The following KLC3 variants were observed in gnomAD, a reference collection of about 807,000 sequenced individuals.
KLC3 encodes kinesin light chain 2.
In KLC3, 72 loss-of-function variants were observed where a neutral mutation model predicts 62.9. That is an observed-to-expected ratio of 1.15 (90% CI 0.95 to 1.39). The LOEUF (loss-of-function observed/expected upper bound fraction) is 1.39, where lower values mean the gene tolerates loss of function less well. Among genes scored for constraint, KLC3 ranks in the 40% most tolerant of loss-of-function variants. KLC3 has a pLI of 0.00. For missense variants in KLC3, 848 were observed against 691.6 expected (o/e 1.23, Z -2.54); for synonymous variants, 377 against 300.5 (o/e 1.25, Z -2.63).
At position 45,350,621 on chromosome 19, in the gene KLC3, C is replaced by T; in HGVS notation, c.1273-20C>T. The T allele has an allele frequency of 6.2e-7, 1 of 1,612,592 alleles. No homozygotes were observed. The highest frequency in any genetic ancestry group is 8.5e-7 in the Non-Finnish European group (1 of 1,178,784). On this transcript the variant is annotated intron_variant, in intron 10 of 12. Transcript: ENST00000391946. ...TGCATGGGCCTGGGGGACTGAGCAG[C>T]ATCCCCGGCCCCTCCCCAGGCCCTT...
In KLC3 at chr19:45,348,734, G is replaced by A. The variant is rs1487464927; in HGVS notation, c.867+1G>A. 6.3e-7 allele frequency: 1 copy of A among 1,583,592 alleles called. No individual in the cohort carries two copies. The highest frequency in any genetic ancestry group is 1.3e-5 in the African/African-American group (1 of 74,310). ...GACGCTGGGCCCTGAGCACCCCGCGGTGAGTGGGGCCCCAGGGAGACGAAG... is the reference window on the plus strand; with the variant it reads ...GACGCTGGGCCCTGAGCACCCCGCGATGAGTGGGGCCCCAGGGAGACGAAG... On this transcript the variant is annotated splice_donor_variant, in intron 6 of 12. Transcript: ENST00000391946. LOFTEE classifies it high-confidence loss of function.
exon 13 of KLC3, chr19:45,351,512 GACAGTGAGAA>G: frequency 2.5e-6 from 4 of 1,599,508 alleles, no homozygotes; most frequent in Non-Finnish European, 1.7e-6. Flanking sequence ...CTGTGGACGT[GACAGTGAGAA>G]ATGTCACCTG....
chr19:45,344,100 C>T (rs1279019413), intron 1 of KLC3, among the ~76,000 whole-genome samples: 3 of 150,642 alleles, frequency 2.0e-5, no homozygotes, highest in African/African-American at 4.9e-5. Context: ...CCAAAGTGCT[C>T]GGAGTACAGG....
chr19:45,351,309 G>T lies in KLC3; in HGVS notation c.1467G>T (p.Lys489Asn). The stretch of plus-strand genomic sequence containing the variant: ...AGTTTCCCAGCTGGCACCTGGACAA[G>T]GCCCCTCGGACCCTCAGCGCCAGCA... ...GTQFPSWHLD[K>N]APRTLSASTQ... Residue 489 changes from lysine to asparagine, a missense_variant, in exon 13 of 13, where the codon AAG becomes AAT. Physicochemically the swap from Lys to Asn is moderately conservative, Grantham distance 94. Transcript: ENST00000391946. 1 of 1,612,558 alleles carries T rather than the reference G, an allele frequency of 6.2e-7. No individual in the cohort carries two copies. The highest frequency in any genetic ancestry group is 8.5e-7 in the Non-Finnish European group (1 of 1,179,988).
rs1444407540 is a variant in KLC3 at position 45,351,453 on chromosome 19, CT to C, written c.*98del. 1.3e-5 allele frequency: 20 copies of C among 1,583,024 alleles called. No individual in the cohort carries two copies. The highest frequency in any genetic ancestry group is 7.9e-5 in the South Asian group (7 of 89,046). ...GGGGTCTATCATCTCCTGGCCCCCC[CT>C]TGCCTCTGGGTACCTGGTGGATAGC... On this transcript the variant is annotated 3_prime_UTR_variant, in exon 13 of 13. Coordinates refer to ENST00000391946, the MANE Select transcript of KLC3 (RefSeq NM_177417.3).
intron 8 of KLC3, 40 bp from the exon 9 acceptor site, chr19:45,350,301 C>G (rs749978311): frequency 6.7e-7 from 1 of 1,489,000 alleles, no homozygotes; most frequent in Non-Finnish European, 9.3e-7. Context: ...GTGTTGGGAA[C>G]TGGGGTCCGA....
chr19:45,348,957 T>C, intron 7 of KLC3, 36 bp downstream of exon 7: 2 of 1,524,278 alleles, frequency 1.3e-6, no homozygotes, highest in Non-Finnish European at 1.8e-6. Flanking sequence ...AGGAACCCCT[T>C]GTCCCATGTA....
In KLC3 at chr19:45,350,850, C is replaced by A. The variant is rs1199341072; in HGVS notation, c.1379+103C>A. The stretch of plus-strand genomic sequence containing the variant: ...CTCAAGAACCTTCCATGGCTCCCAT[C>A]TCCCCTGTGATACACACAGATCAAA... On this transcript the variant is annotated intron_variant, in intron 11 of 12. Coordinates refer to ENST00000391946, the MANE Select transcript of KLC3 (RefSeq NM_177417.3). 12 of 1,267,256 alleles carry A rather than the reference C, an allele frequency of 9.5e-6. No individual in the cohort carries two copies. In the Admixed American group the frequency reaches 1.9e-4, roughly 20 times the overall value. The allele number at this position is 1,267,256 out of a possible 1,614,324, so 78.5% of individuals were successfully genotyped here. A position where few individuals can be genotyped will look rare whatever the true frequency, so the allele number is the denominator to read the frequency against.
chr19:45,345,293 C>G, intron 1 of KLC3: 1 of 612,176 alleles, frequency 1.6e-6, no homozygotes, highest in South Asian at 2.0e-5. Flanking sequence ...GGGCAGAACC[C>G]TGGGTTGGGA....
In KLC3 at chr19:45,344,396, TC is replaced by T. The variant is rs199803220; in HGVS notation, c.-8-1136del. 3.5e-3 allele frequency among the ~76,000 whole-genome samples: 519 copies of T among 146,586 alleles called. 13 individuals are homozygous for T. Among genetic ancestry groups the T allele is most frequent in the African/African-American group, 9.0e-3 (356 of 39,344 alleles). On this transcript the variant is annotated intron_variant, in intron 1 of 12. Coordinates refer to ENST00000391946, the MANE Select transcript of KLC3 (RefSeq NM_177417.3). ...GCTCTGCTATTTTTTTTTTTTTTTT[TC>T]CAGTAGAGACAGGGTTTCACCCTGT...
chr19:45,341,772 TGTGC>T (rs1490850261), intron 1 of KLC3, among the ~76,000 whole-genome samples: 22 of 60,328 alleles, frequency 3.6e-4, no homozygotes, highest in African/African-American at 1.0e-3. Context: ...TGAAGCCGTG[TGTGC>T]GTGTGTGTGT....
At chr19:45,342,752 G>A (rs1417698663) in intron 1 of KLC3, among the ~76,000 whole-genome samples, 1 of 152,134 alleles carries the variant, frequency 6.6e-6, no homozygotes, top group Non-Finnish European at 1.5e-5. Flanking sequence ...GGGCAACAGA[G>A]CGAGACTCAG....
In KLC3 at chr19:45,346,093, C is replaced by T. The variant is rs559533715; in HGVS notation, c.258+294C>T. ...ATGAGAATCGCTTGAACCTGGGAGG[C>T]GGAGGTTGCAGTGAGTGGAGATCGT... On this transcript the variant is annotated intron_variant, in intron 2 of 12. Transcript: ENST00000391946. Among the ~76,000 whole-genome samples, 245 of 152,148 alleles carry T rather than the reference C, an allele frequency of 1.6e-3. 14 individuals carry two copies. In the South Asian group the frequency reaches 0.048, roughly 30 times the overall value.
chr19:45,347,517 G>A lies in KLC3; in HGVS notation c.559+1G>A. The A allele has an allele frequency of 6.2e-7, 1 of 1,611,718 alleles. No homozygotes were observed. The highest frequency in any genetic ancestry group is 8.5e-7 in the Non-Finnish European group (1 of 1,179,008). ...CCCAGCGAGGAGGAGGAGAGGAAAG[G>A]TGGGTGTTGGGAGTACATGCCACAG... On this transcript the variant is annotated splice_donor_variant, in intron 4 of 12. Transcript: ENST00000391946. LOFTEE classifies it high-confidence loss of function.
Position 45,350,765 on chromosome 19 carries a change from C to G in KLC3, c.1379+18C>G, listed in dbSNP as rs3916900. The G allele has an allele frequency of 1.3e-6, 2 of 1,596,368 alleles. No homozygotes were observed. Among genetic ancestry groups the G allele is most frequent in the African/African-American group, 1.3e-5 (1 of 74,714 alleles). ...GCAGCCGGGTGAGTGTTGATCAGGT[C>G]GGCAAAGAGCCCTGACATCAGCAGA... On this transcript the variant is annotated intron_variant, in intron 11 of 12. Transcript: ENST00000391946.
intron 8 of KLC3, chr19:45,350,067 C>G: frequency 2.0e-6 from 1 of 493,822 alleles, no homozygotes; most frequent in Non-Finnish European, 3.6e-6. Context: ...GGCCGAGCTC[C>G]AAACCCACTC....
rs3916893 is a variant in KLC3 at position 45,351,198 on chromosome 19, T to C, written c.1444-88T>C. Reference sequence around the variant, plus strand: ...GGTAGAGGCGAGGGGGTTGGATAGTTGGCTGCCAGGCTGGACCTGGAGCTG... The same window carrying C: ...GGTAGAGGCGAGGGGGTTGGATAGTCGGCTGCCAGGCTGGACCTGGAGCTG... On this transcript the variant is annotated intron_variant, in intron 12 of 12. Coordinates refer to ENST00000391946, the MANE Select transcript of KLC3 (RefSeq NM_177417.3). 1.2e-3 allele frequency: 1,872 copies of C among 1,585,730 alleles called. 8 individuals carry two copies. In the African/African-American group the frequency reaches 0.018, roughly 15 times the overall value.
intron 8 of KLC3, chr19:45,350,108 G>A: frequency 1.8e-6 from 1 of 548,072 alleles, no homozygotes; most frequent in Non-Finnish European, 3.3e-6. Flanking sequence ...GGCAGGGGAA[G>A]GATACGGCCA....
intron 1 of KLC3, among the ~76,000 whole-genome samples, chr19:45,344,298 C>T (rs12977048): frequency 0.26 from 39,307 of 149,514 alleles, 6,093 homozygotes; most frequent in South Asian, 0.34. Flanking sequence ...ACTGCAACCT[C>T]CGCCTCCCGG....
Sources: allele counts gnomAD v4.1 joint callset (sites outside exome capture counted in the v4.1 genomes callset), GRCh38; gene constraint gnomAD v4.1.1; transcripts MANE v1.5; gene names NCBI Gene and HGNC (gene_info 2026-07-23, HGNC 2026-07-21).